TRMT11: variants seen among roughly 807,000 people sequenced by gnomAD.
TRMT11 encodes the protein tRNA methyltransferase 11.
A neutral mutation model predicts 62.8 loss-of-function variants in TRMT11; 53 were observed. The observed-to-expected ratio is 0.84, with a 90% CI of 0.68 to 1.06. The LOEUF (loss-of-function observed/expected upper bound fraction) is 1.06, where lower values mean the gene tolerates loss of function less well. TRMT11 is among the 50% of genes least tolerant of loss of function. TRMT11 has a pLI of 0.00. For missense variants in TRMT11, 556 were observed against 553.4 expected (o/e 1.00, Z -0.05); for synonymous variants, 188 against 190.3 (o/e 0.99, Z 0.10).
chr6:126,151,937 T>TTCTTTCTTTCTTTC (rs1376995092), intron 21 of TRMT11, among the ~76,000 whole-genome samples: 7 of 109,714 alleles, frequency 6.4e-5, no homozygotes, highest in Non-Finnish European at 1.3e-4. Context: ...CTTTCTTTCT[T>TTCTTTCTTTCTTTC]TCTTTCTTTT....
intron 17 of TRMT11, among the ~76,000 whole-genome samples, chr6:126,108,598 C>T (rs560287000): frequency 9.2e-5 from 14 of 152,320 alleles, no homozygotes; most frequent in Non-Finnish European, 1.5e-4. Flanking sequence ...CTGGAAATTG[C>T]ACCCCAACAA....
chr6:126,258,607 G>A, the TRMT11 span, among the ~76,000 whole-genome samples: 6 of 152,228 alleles, frequency 3.9e-5, no homozygotes, highest in Non-Finnish European at 8.8e-5. Flanking sequence ...TTTAATCTGA[G>A]TATGTTGTAA....
intron 21 of TRMT11, among the ~76,000 whole-genome samples, chr6:126,129,670 G>A (rs377509647): frequency 6.2e-4 from 95 of 152,060 alleles, no homozygotes; most frequent in African/African-American, 2.2e-3. Context: ...TGACAGGCAT[G>A]TGCTACCGTG....
intron 1 of TRMT11, among the ~76,000 whole-genome samples, chr6:125,989,058 G>A (rs557783231): frequency 6.6e-6 from 1 of 151,942 alleles, no homozygotes; most frequent in East Asian, 1.9e-4. Context: ...GGTGGGCATT[G>A]AGGCCAGAGA....
chr6:126,010,914 T>G (rs1188141645), intron 8 of TRMT11, among the ~76,000 whole-genome samples: 1 of 152,094 alleles, frequency 6.6e-6, no homozygotes, highest in Non-Finnish European at 1.5e-5. Flanking sequence ...ATTCATACTA[T>G]CTCTACACAG....
chr6:126,168,103 G>A (rs1312407582), intron 21 of TRMT11, among the ~76,000 whole-genome samples: 1 of 152,202 alleles, frequency 6.6e-6, no homozygotes, highest in African/African-American at 2.4e-5. Flanking sequence ...AGCCTCAGGA[G>A]ACTAGGAGCT....
chr6:126,252,485 A>G, the TRMT11 span, among the ~76,000 whole-genome samples: 2 of 152,186 alleles, frequency 1.3e-5, no homozygotes, highest in Non-Finnish European at 2.9e-5. Flanking sequence ...ATAGCATCAT[A>G]TCCAACATAC....
the TRMT11 span, among the ~76,000 whole-genome samples, chr6:126,213,690 C>T: frequency 9.9e-5 from 15 of 152,088 alleles, no homozygotes; most frequent in East Asian, 9.7e-4. Flanking sequence ...TTATCATCTG[C>T]AAACAATGAT....
At chr6:126,171,872 A>AC (rs1778333616) in intron 21 of TRMT11, among the ~76,000 whole-genome samples, 1 of 151,984 alleles carries the variant, frequency 6.6e-6, no homozygotes, top group Non-Finnish European at 1.5e-5. Context: ...GCAGCCTGCT[A>AC]CCATGCCCAG....
intron 11 of TRMT11, among the ~76,000 whole-genome samples, chr6:126,016,714 T>TG (rs1554222455): frequency 6.6e-6 from 1 of 151,608 alleles, no homozygotes; most frequent in African/African-American, 2.4e-5. Context: ...TTTTTTTTTT[T>TG]GTCTTAGATG....
chr6:126,112,610 A>G (rs555016646), intron 17 of TRMT11, among the ~76,000 whole-genome samples: 17 of 152,178 alleles, frequency 1.1e-4, no homozygotes, highest in African/African-American at 4.1e-4. Context: ...AGTAATAACA[A>G]TCTCTGGGTG....
chr6:126,215,508 C>A, the TRMT11 span, among the ~76,000 whole-genome samples: 1 of 151,932 alleles, frequency 6.6e-6, no homozygotes, highest in Non-Finnish European at 1.5e-5. Context: ...TATAGTGACT[C>A]ATAATCTTTT....
At chr6:126,221,504 G>A in the TRMT11 span, among the ~76,000 whole-genome samples, 1 of 152,156 alleles carries the variant, frequency 6.6e-6, no homozygotes, top group Non-Finnish European at 1.5e-5. Flanking sequence ...TGGACCTAAT[G>A]ATTAGTAACA....
intron 17 of TRMT11, among the ~76,000 whole-genome samples, chr6:126,081,090 G>T (rs1448189537): frequency 1.3e-5 from 2 of 152,126 alleles, no homozygotes; most frequent in Non-Finnish European, 2.9e-5. Flanking sequence ...TTACCTGTTT[G>T]GTCTCTACAG....
chr6:126,001,035 T>C (rs1792386355), intron 7 of TRMT11, among the ~76,000 whole-genome samples: 1 of 152,182 alleles, frequency 6.6e-6, no homozygotes, highest in Non-Finnish European at 1.5e-5. Context: ...TAATCTTTTC[T>C]TTCCTGCATC....
intron 21 of TRMT11, among the ~76,000 whole-genome samples, chr6:126,162,592 G>A (rs974498244): frequency 3.3e-5 from 5 of 151,896 alleles, no homozygotes; most frequent in Non-Finnish European, 5.9e-5. Flanking sequence ...TTTGTAATTC[G>A]GTGAAGAAAG....
intron 7 of TRMT11, among the ~76,000 whole-genome samples, chr6:126,007,951 A>G (rs1254375978): frequency 6.6e-6 from 1 of 152,054 alleles, no homozygotes; most frequent in African/African-American, 2.4e-5. Context: ...CATAGTAATT[A>G]TGCCCTATTT....
chr6:126,197,446 A>G (rs888804500), intron 1 of TRMT11, among the ~76,000 whole-genome samples: 1 of 152,218 alleles, frequency 6.6e-6, no homozygotes, highest in African/African-American at 2.4e-5. Flanking sequence ...TAACTTAATC[A>G]TATAATAGGA....
intron 21 of TRMT11, among the ~76,000 whole-genome samples, chr6:126,122,009 G>A (rs1255910023): frequency 6.6e-6 from 1 of 152,120 alleles, no homozygotes; most frequent in Non-Finnish European, 1.5e-5. Context: ...CCTGATGGGA[G>A]ATAATTGAAT....
Sources: gnomAD v4.1 joint callset for allele counts (sites outside exome capture counted in the v4.1 genomes callset) on GRCh38, gnomAD v4.1.1 for gene constraint, MANE v1.5 for transcripts, NCBI Gene and HGNC (gene_info 2026-07-23, HGNC 2026-07-21) for gene names.